MITF: variants seen among roughly 807,000 people sequenced by gnomAD.
MITF encodes microphthalmia-associated transcription factor.
In MITF, 17 loss-of-function variants were observed where a neutral mutation model predicts 60.5. The ratio of observed to expected loss-of-function variants is 0.28; its 90% confidence interval spans 0.19 to 0.42. MITF has a LOEUF of 0.42. Ranked by LOEUF, MITF falls within the 10% of genes least tolerant of loss-of-function variation. The probability of loss-of-function intolerance (pLI) is 1.00; values close to 1 mark genes in which losing one functional copy is unlikely to be tolerated. For synonymous variants in MITF, 260 were observed against 248.5 expected (o/e 1.05, Z -0.43); for missense variants, 622 against 683.5 (o/e 0.91, Z 1.00).
At chr3:69,796,479 A>G (rs898223323) in intron 1 of MITF, among the ~76,000 whole-genome samples, 3 of 149,608 alleles carry the variant, frequency 2.0e-5, no homozygotes, top group African/African-American at 7.3e-5. Flanking sequence ...TGTGAAGCTT[A>G]CAAACACCGT....
At chr3:69,945,320 T>C (rs2066068337) in intron 5 of MITF, among the ~76,000 whole-genome samples, 1 of 152,222 alleles carries the variant, frequency 6.6e-6, no homozygotes, top group Admixed American at 6.5e-5. Context: ...GATTAGACTG[T>C]GGCTTTCATC....
chr3:69,793,253 C>T (rs756089726), intron 1 of MITF, among the ~76,000 whole-genome samples: 15 of 152,070 alleles, frequency 9.9e-5, no homozygotes, highest in Non-Finnish European at 1.8e-4. Context: ...TAGGCTCAAG[C>T]AGTCTGCCTG....
rs752915964 is a variant in MITF at position 69,965,204 on chromosome 3, C to T, written c.1537C>T (p.Arg513Trp). 2 of 1,613,760 alleles carry T rather than the reference C, an allele frequency of 1.2e-6. No individual in the cohort carries two copies. The highest frequency in any genetic ancestry group is 1.7e-6 in the Non-Finnish European group (2 of 1,179,728). ...VSPGASKTSS[R>W]RSSMSMEETE... ...CCCCGGAGCTTCCAAAACAAGCAGC[C>T]GGAGGAGCAGTATGAGCATGGAAGA... Residue 513 changes from arginine to tryptophan, a missense_variant, in exon 10 of 10, where the codon CGG (arginine) becomes TGG (tryptophan). Coordinates refer to ENST00000352241, the MANE Select transcript of MITF (RefSeq NM_001354604.2).
At chr3:69,916,636 AC>A (rs148034486) in intron 2 of MITF, among the ~76,000 whole-genome samples, 1,596 of 152,302 alleles carry the variant, frequency 0.01, 27 homozygotes, top group African/African-American at 0.033. Context: ...TACTAGGAAA[AC>A]AAATAAATGA....
intron 1 of MITF, among the ~76,000 whole-genome samples, chr3:69,815,976 G>A (rs62251032): frequency 0.15 from 23,402 of 152,040 alleles, 2,113 homozygotes; most frequent in South Asian, 0.21. Flanking sequence ...GTCTTTCTGG[G>A]ATCTCTACAG....
chr3:69,953,960 A>G (rs1229424108), intron 7 of MITF, among the ~76,000 whole-genome samples: 1 of 152,178 alleles, frequency 6.6e-6, no homozygotes, highest in Non-Finnish European at 1.5e-5. Flanking sequence ...GAGACAATCT[A>G]GACATCACCC....
chr3:69,756,131 T>C (rs552732398), intron 1 of MITF, among the ~76,000 whole-genome samples: 1 of 152,182 alleles, frequency 6.6e-6, no homozygotes, highest in African/African-American at 2.4e-5. Context: ...TGGCAAGTTT[T>C]TTTTTTTAAG....
At chr3:69,866,635 A>G (rs2064121054) in intron 1 of MITF, among the ~76,000 whole-genome samples, 1 of 152,182 alleles carries the variant, frequency 6.6e-6, no homozygotes, top group South Asian at 2.1e-4. Flanking sequence ...GTTAATAATG[A>G]CAAAAATACC....
intron 1 of MITF, among the ~76,000 whole-genome samples, chr3:69,823,372 G>A (rs2063306831): frequency 6.6e-6 from 1 of 152,104 alleles, no homozygotes; most frequent in African/African-American, 2.4e-5. Context: ...TTCAGATCAA[G>A]GTGCTGGCAG....
chr3:69,857,332 A>G (rs952058831), intron 1 of MITF, among the ~76,000 whole-genome samples: 1 of 151,834 alleles, frequency 6.6e-6, no homozygotes, highest in African/African-American at 2.4e-5. Flanking sequence ...TTTGCACAGG[A>G]TACTCATATC....
intron 1 of MITF, among the ~76,000 whole-genome samples, chr3:69,743,440 A>G (rs758506343): frequency 1.3e-5 from 2 of 152,342 alleles, no homozygotes; most frequent in Non-Finnish European, 2.9e-5. Context: ...AGGAATTCAT[A>G]TATTGTTCAT....
At chr3:69,806,584 C>T (rs1305699606) in intron 1 of MITF, among the ~76,000 whole-genome samples, 8 of 151,914 alleles carry the variant, frequency 5.3e-5, no homozygotes, top group South Asian at 4.2e-4. Context: ...AGAGGTGGGT[C>T]CTTGAACTCC....
chr3:69,828,956 G>C (rs2063401636), intron 1 of MITF, among the ~76,000 whole-genome samples: 1 of 151,820 alleles, frequency 6.6e-6, no homozygotes, highest in African/African-American at 2.4e-5. Context: ...GTGTGTGTGT[G>C]TGTGTGTGTG....
intron 1 of MITF, among the ~76,000 whole-genome samples, chr3:69,779,807 A>ACACT (rs1185527955): frequency 6.6e-6 from 1 of 152,206 alleles, no homozygotes; most frequent in Non-Finnish European, 1.5e-5. Context: ...GTCACCCAGT[A>ACACT]GTAACATTTA....
chr3:69,869,383 G>A (rs994857094), intron 1 of MITF, among the ~76,000 whole-genome samples: 1 of 152,168 alleles, frequency 6.6e-6, no homozygotes, highest in Non-Finnish European at 1.5e-5. Flanking sequence ...GATTACAGGA[G>A]ACATGGTGGC....
chr3:69,963,680 A>C (rs1016359427), intron 9 of MITF, among the ~76,000 whole-genome samples: 1 of 152,316 alleles, frequency 6.6e-6, no homozygotes, highest in East Asian at 1.9e-4. Flanking sequence ...CCAGGCCACA[A>C]TGATGTTCAT....
rs964915754 is a variant in MITF, at chr3:69,959,508, G to A, written c.1179+88G>A. The A allele has an allele frequency of 2.0e-6, 3 of 1,485,956 alleles. No individual in the cohort carries two copies. The African/African-American group carries it at 4.1e-5, about 21-fold the overall frequency. 92.0% of individuals were successfully genotyped at this position (1,485,956 alleles called of 1,614,324 possible). ...GGATATAATGAGCCATAGGGGAGTT[G>A]ACTTACGTGATCCTAACACAGTCAA... On this transcript the variant is annotated intron_variant, in intron 9 of 9. Transcript: ENST00000352241.
chr3:69,766,922 A>C (rs1177298853), intron 1 of MITF, among the ~76,000 whole-genome samples: 2 of 152,214 alleles, frequency 1.3e-5, no homozygotes, highest in Middle Eastern at 3.2e-3. Flanking sequence ...CCTGAAGCCC[A>C]ATTACAAATA....
intron 2 of MITF, among the ~76,000 whole-genome samples, chr3:69,898,715 G>T (rs950378934): frequency 3.3e-5 from 5 of 152,178 alleles, no homozygotes; most frequent in African/African-American, 4.8e-5. Flanking sequence ...TGGCATGCAT[G>T]TCTAGGATTG....
Sources: allele counts gnomAD v4.1 joint callset (sites outside exome capture counted in the v4.1 genomes callset), GRCh38; gene constraint gnomAD v4.1.1; transcripts MANE v1.5; gene names NCBI Gene and HGNC (gene_info 2026-07-23, HGNC 2026-07-21).